The following ATF6B variants were observed in gnomAD, a reference collection of about 807,000 sequenced individuals.
The protein encoded by ATF6B is activating transcription factor 6 beta, also known as cyclic AMP-dependent transcription factor ATF-6 beta.
Under a neutral mutation model 83.5 loss-of-function variants are expected in ATF6B, and 50 were observed. The ratio of observed to expected loss-of-function variants is 0.60; its 90% CI spans 0.48 to 0.76. The LOEUF (loss-of-function observed/expected upper bound fraction) is 0.76. Among genes scored for constraint, ATF6B ranks in the 30% least tolerant of loss-of-function variants. ATF6B has a pLI of 0.00. For synonymous variants in ATF6B, 344 were observed against 362.8 expected (o/e 0.95, Z 0.59); for missense variants, 790 against 893.8 (o/e 0.88, Z 1.48).
rs1324392843 is a variant in ATF6B at position 32,128,171 on chromosome 6, G to A, written c.37C>T (p.Pro13Ser). The A allele has an allele frequency of 6.2e-7, 1 of 1,612,730 alleles. No homozygotes were observed. The highest frequency in any genetic ancestry group is 1.3e-5 in the African/African-American group (1 of 74,908). ...AGGTTGTCGGTGAAGAAACGCGTCG[G>A]GTCAGCAATCTCGCTGAGCAGCATC... ...ELMLLSEIAD[P>S]TRFFTDNLLS... Residue 13 changes from proline (P) to serine (S), a missense_variant, in exon 1 of 18, where the codon CCG becomes TCG. Around this residue, in one of 3 missense-constraint regions of ATF6B, gnomAD observed 253 missense variants for 243.1 expected, o/e 1.04. Transcript: ENST00000375203.
chr6:32,127,562 G>A, intron 2 of ATF6B, 42 bp from the exon 3 acceptor site: 1 of 1,609,326 alleles, frequency 6.2e-7, no homozygotes, highest in Non-Finnish European at 8.5e-7. Context: ...TGTGAGAAAG[G>A]ATGAGAAAGT....
intron 8 of ATF6B, 121 bp from the exon 9 acceptor site, chr6:32,120,078 A>G: frequency 7.8e-7 from 1 of 1,281,004 alleles, no homozygotes; most frequent in Non-Finnish European, 1.1e-6. Context: ...TGACAGGGTC[A>G]ATGCAGCCCG....
chr6:32,117,324 T>C lies in ATF6B; in HGVS notation c.1613A>G (p.Gln538Arg). ...CCTTGAACCAGCCACCCGCCCTACC[T>C]GTCTCTCCTGGGCCCTCTGAGGGAT... ...RKIPQRAQER[Q>R]KSQPRKKSPP... The change falls in exon 14 of 18, where the codon CAG (glutamine) becomes CGG (arginine). Residue 538 changes from glutamine to arginine, a missense_variant and splice_region_variant. By Grantham distance (43) the Gln-to-Arg change is conservative (BLOSUM62 1). Around this residue, in one of 3 missense-constraint regions of ATF6B, gnomAD observed 530 missense variants for 632.6 expected, o/e 0.84. Transcript: ENST00000375203. The surrounding 1 kb of genome is among the most constrained non-coding windows in gnomAD (Gnocchi z 5.0). The C allele has an allele frequency of 6.2e-7, 1 of 1,613,494 alleles. No individual in the cohort carries two copies. Among genetic ancestry groups the C allele is most frequent in the African/African-American group, 1.3e-5 (1 of 75,016 alleles).
At chr6:32,123,896 T>C (rs1446158983) in intron 5 of ATF6B, among the ~76,000 whole-genome samples, 1 of 151,900 alleles carries the variant, frequency 6.6e-6, no homozygotes, top group African/African-American at 2.4e-5. Context: ...ATCCAGAAGG[T>C]ACTTTGAAAT....
intron 5 of ATF6B, 74 bp from the exon 6 acceptor site, chr6:32,121,422 G>A: frequency 1.4e-6 from 2 of 1,440,240 alleles, no homozygotes; most frequent in Non-Finnish European, 1.9e-6. Flanking sequence ...AAGATGGGAG[G>A]CTGGGCATGG....
Position 32,119,303 on chromosome 6 carries a change from C to T in ATF6B, c.967-162G>A, listed in dbSNP as rs545841840. 3.9e-5 allele frequency among the ~76,000 whole-genome samples: 6 copies of T among 152,254 alleles called. No homozygotes were observed. The highest frequency in any genetic ancestry group is 2.6e-4 in the Admixed American group (4 of 15,290). ...GAGGTTTTTCCTCTCTACTCAAACA[C>T]GCTAGGGAAGGGGCCCTTCTTTCAA... On this transcript the variant is annotated intron_variant, in intron 9 of 17. Transcript: ENST00000375203. The surrounding 1 kb of genome is among the most constrained non-coding windows in gnomAD (Gnocchi z 4.9).
rs572621235 is a variant in ATF6B, at chr6:32,116,643, C to T, written c.1797+61G>A. On this transcript the variant is annotated intron_variant, in intron 16 of 17. Coordinates refer to ENST00000375203, the MANE Select transcript of ATF6B (RefSeq NM_004381.5). This position sits in a 1 kb window ranked among gnomAD's most constrained non-coding sequence, Gnocchi z 5.1. ...TCCCCAGCCCTACTCTACATCCCCCCACTGAAGACAGACTGCTGGGAACCT... is the reference window on the plus strand; with the variant it reads ...TCCCCAGCCCTACTCTACATCCCCCTACTGAAGACAGACTGCTGGGAACCT... The T allele has an allele frequency of 6.2e-7, 1 of 1,605,256 alleles. No individual in the cohort carries two copies. Among genetic ancestry groups the T allele is most frequent in the African/African-American group, 1.3e-5 (1 of 74,828 alleles).
intron 5 of ATF6B, among the ~76,000 whole-genome samples, chr6:32,124,826 G>C (rs768603945): frequency 4.0e-5 from 6 of 151,888 alleles, no homozygotes; most frequent in Non-Finnish European, 5.9e-5. Context: ...CCCCTCTTAT[G>C]AGCTTTCATG....
At chr6:32,127,638 C>G (rs557521439) in intron 2 of ATF6B, 33 bp downstream of exon 2, 195 of 1,613,760 alleles carry the variant, frequency 1.2e-4, no homozygotes, top group South Asian at 4.7e-4. Flanking sequence ...TTTCCACCCA[C>G]CAAGGGTTAG....
Position 32,118,187 on chromosome 6 carries a change from C to T in ATF6B, c.1245-149G>A. The T allele has an allele frequency of 1.0e-6, 1 of 966,386 alleles. No individual in the cohort carries two copies. The highest frequency in any genetic ancestry group is 1.5e-5 in the South Asian group (1 of 65,972). The allele number at this position is 966,386 out of a possible 1,614,324, so 59.9% of individuals were successfully genotyped here. A position where few individuals can be genotyped will look rare whatever the true frequency, so the allele number is the denominator to read the frequency against. ...TCTGTAAGATGGGAATAAGGATGGT[C>T]CCTACATACAAAAAAGACAGTGCAT... On this transcript the variant is annotated intron_variant, in intron 11 of 17. Coordinates refer to ENST00000375203, the MANE Select transcript of ATF6B (RefSeq NM_004381.5). The surrounding 1 kb of genome is among the most constrained non-coding windows in gnomAD (Gnocchi z 5.2).
Position 32,121,025 on chromosome 6 carries a change from G to A in ATF6B, c.664C>T (p.Gln222Ter). 6.5e-7 allele frequency: 1 copy of A among 1,545,968 alleles called. No homozygotes were observed. Among genetic ancestry groups the A allele is most frequent in the Non-Finnish European group, 8.7e-7 (1 of 1,150,262 alleles). Residue 222 changes from glutamine (Q) to a stop codon, truncating the protein, a stop_gained, in exon 7 of 18, where the codon CAG becomes TAG. Coordinates refer to ENST00000375203, the MANE Select transcript of ATF6B (RefSeq NM_004381.5). LOFTEE classifies it high-confidence loss of function. ...DVPAPSLGAV[Q>*]ISMGPSLDGS... is the part of the protein sequence containing the mutation. ...TCAAGGGATGGGCCCATGCTGATCTGGACAGCTCCAAGTGAGGGGGCTGGG... is the reference window on the plus strand; with the variant it reads ...TCAAGGGATGGGCCCATGCTGATCTAGACAGCTCCAAGTGAGGGGGCTGGG...
At position 32,118,554 on chromosome 6, in the gene ATF6B, C is replaced by A. The variant is rs760158043; in HGVS notation, c.1244+221G>T. 2.0e-4 allele frequency among the ~76,000 whole-genome samples: 30 copies of A among 152,270 alleles called. No individual in the cohort carries two copies. The highest frequency in any genetic ancestry group is 3.9e-4 in the Admixed American group (6 of 15,302). ...GAGGTTGCAGTGAGCCGAGATCGTGCCACTGCACTCCAGCCTGGGCAACAG... is the reference window on the plus strand; with the variant it reads ...GAGGTTGCAGTGAGCCGAGATCGTGACACTGCACTCCAGCCTGGGCAACAG... On this transcript the variant is annotated intron_variant, in intron 11 of 17. Transcript: ENST00000375203. The surrounding 1 kb of genome is among the most constrained non-coding windows in gnomAD (Gnocchi z 5.2).
At chr6:32,127,374 A>C (rs1417006135) in intron 3 of ATF6B, 68 bp downstream of exon 3, 1 of 1,526,510 alleles carries the variant, frequency 6.6e-7, no homozygotes, top group Non-Finnish European at 8.9e-7. Context: ...GAAGCTACGT[A>C]GTTTCTGGGA....
rs754558255 is a variant in ATF6B, at chr6:32,120,782, T to G, written c.821A>C (p.Gln274Pro). Residue 274 changes from glutamine (Q) to proline (P), a missense_variant, in exon 8 of 18, where the codon CAG becomes CCG. Coordinates refer to ENST00000375203, the MANE Select transcript of ATF6B (RefSeq NM_004381.5). Reference protein sequence around the residue: ...STTVLLQSLVQPPPVSPVVLI... With the variant: ...STTVLLQSLVPPPPVSPVVLI... ...TCCTTCTTCAGTACCTGGGGGTGGC[T>G]GGACGAGGGACTGCAGAAGGACTGT... is the stretch of plus-strand genomic sequence containing the variant. 6.2e-7 allele frequency: 1 copy of G among 1,610,318 alleles called. No individual in the cohort carries two copies. Among genetic ancestry groups the G allele is most frequent in the Admixed American group, 1.7e-5 (1 of 59,572 alleles).
In ATF6B at chr6:32,121,909, T is replaced by A. The variant is rs149848058; in HGVS notation, c.479-561A>T. ...GATTTTTCTCATCCCTGCTCCATGTTCCTCAAAGCTGTCTTTGCCCTTCTG... is the reference window on the plus strand; with the variant it reads ...GATTTTTCTCATCCCTGCTCCATGTACCTCAAAGCTGTCTTTGCCCTTCTG... On this transcript the variant is annotated intron_variant, in intron 5 of 17. Transcript: ENST00000375203. 3.3e-5 allele frequency among the ~76,000 whole-genome samples: 5 copies of A among 152,274 alleles called. No individual in the cohort carries two copies. The South Asian group carries it at 8.3e-4, about 25-fold the overall frequency.
chr6:32,126,483 G>A (rs535356512), intron 4 of ATF6B, among the ~76,000 whole-genome samples: 1 of 152,098 alleles, frequency 6.6e-6, no homozygotes, highest in Non-Finnish European at 1.5e-5. Flanking sequence ...GCCTCAGAGT[G>A]GACAACTTGG....
intron 3 of ATF6B, 86 bp downstream of exon 3, chr6:32,127,356 G>A (rs1782025975): frequency 1.4e-6 from 2 of 1,469,016 alleles, no homozygotes; most frequent in South Asian, 1.2e-5. Flanking sequence ...AGAAGCGTGA[G>A]GATATAGGAA....
At chr6:32,120,184 G>A (rs1464152298) in intron 8 of ATF6B, 6 of 351,380 alleles carry the variant, frequency 1.7e-5, no homozygotes, top group African/African-American at 8.6e-5. Flanking sequence ...TGCAAGCTCC[G>A]CCTCCCGGGT....
rs1347120651 is a variant in ATF6B at position 32,115,298 on chromosome 6, A to G, written c.*441T>C. 1 of 163,592 alleles carries G rather than the reference A, an allele frequency of 6.1e-6. No homozygotes were observed. The highest frequency in any genetic ancestry group is 1.7e-4 in the East Asian group (1 of 5,748). The allele number at this position is 163,592 out of a possible 1,614,324, so 10.1% of individuals were successfully genotyped here. On this transcript the variant is annotated 3_prime_UTR_variant, in exon 18 of 18. Coordinates refer to ENST00000375203, the MANE Select transcript of ATF6B (RefSeq NM_004381.5). ...CTCCCTCCAAGTTGTTTATTTAATA[A>G]TAATAAAAAAGAAATGCACACACAT...
Sources: allele counts gnomAD v4.1 joint callset (sites outside exome capture counted in the v4.1 genomes callset), GRCh38; gene constraint gnomAD v4.1.1; regional missense constraint gnomAD v4.1.1; non-coding constraint Gnocchi (gnomAD v3.1); transcripts MANE v1.5; gene names NCBI Gene and HGNC (gene_info 2026-07-23, HGNC 2026-07-21).